The following CALCR variants were observed in gnomAD, a reference collection of about 807,000 sequenced individuals.
The protein encoded by CALCR is calcitonin receptor.
Under a neutral mutation model 59.5 loss-of-function variants are expected in CALCR, and 47 were observed. The ratio of observed to expected loss-of-function variants is 0.79; its 90% confidence interval spans 0.63 to 1.01. The LOEUF (loss-of-function observed/expected upper bound fraction) is 1.01, where lower values mean the gene tolerates loss of function less well. Among genes scored for constraint, CALCR ranks in the 50% least tolerant of loss-of-function variants. CALCR has a pLI of 0.00. For synonymous variants in CALCR, 213 were observed against 211.3 expected, an observed-to-expected ratio of 1.01 and a Z score of -0.07; for missense variants, 566 against 597.1, an observed-to-expected ratio of 0.95 and a Z score of 0.54.
intron 2 of CALCR, among the ~76,000 whole-genome samples, chr7:93,562,075 G>T (rs564465391): frequency 1.8e-4 from 27 of 151,780 alleles, no homozygotes; most frequent in Non-Finnish European, 3.1e-4. Flanking sequence ...ATTCATCCAA[G>T]AATCTTTATA....
intron 2 of CALCR, among the ~76,000 whole-genome samples, chr7:93,525,198 T>C (rs1002104678): frequency 6.6e-5 from 10 of 152,170 alleles, no homozygotes; most frequent in Non-Finnish European, 1.5e-4. Context: ...AACATTCCTA[T>C]CTTCCCTTGG....
At chr7:93,462,402 A>G (rs968428745) in intron 7 of CALCR, among the ~76,000 whole-genome samples, 1 of 152,228 alleles carries the variant, frequency 6.6e-6, no homozygotes, top group Admixed American at 6.5e-5. Context: ...CTGGTTTTAT[A>G]ATAGCACTAA....
At chr7:93,521,407 A>G (rs1584603772) in intron 2 of CALCR, among the ~76,000 whole-genome samples, 1 of 152,278 alleles carries the variant, frequency 6.6e-6, no homozygotes, top group African/African-American at 2.4e-5. Context: ...TCATTTTTAT[A>G]GATACAAAGG....
chr7:93,521,328 A>C lies in CALCR; in HGVS notation c.-26-34321T>G, dbSNP rs371726814. 5.3e-4 allele frequency among the ~76,000 whole-genome samples: 80 copies of C among 152,276 alleles called. 1 individual carries two copies. The highest frequency in any genetic ancestry group is 1.8e-3 in the African/African-American group (76 of 41,552). On this transcript the variant is annotated intron_variant, in intron 2 of 13. Coordinates refer to ENST00000426151, the MANE Select transcript of CALCR (RefSeq NM_001742.4). ...AGGAAGATATGTCTGGTATAGCAGC[A>C]GTTGGCCACCTCTTCTATGCATGAG... is the stretch of plus-strand genomic sequence containing the variant.
intron 3 of CALCR, among the ~76,000 whole-genome samples, chr7:93,481,595 T>C (rs1284056092): frequency 6.6e-6 from 1 of 151,796 alleles, no homozygotes; most frequent in African/African-American, 2.4e-5. Context: ...GTAAGTCCTA[T>C]TTTGGGTTAG....
intron 2 of CALCR, among the ~76,000 whole-genome samples, chr7:93,540,272 A>G (rs1346681763): frequency 6.6e-6 from 1 of 152,200 alleles, no homozygotes; most frequent in African/African-American, 2.4e-5. Flanking sequence ...AATGGGTAGG[A>G]TACTACTCTT....
At position 93,519,038 on chromosome 7, in the gene CALCR, GCTAA is replaced by G. The variant is rs139161681; in HGVS notation, c.-26-32035_-26-32032del. Among the ~76,000 whole-genome samples, 18 of 152,026 alleles carry G rather than the reference GCTAA, an allele frequency of 1.2e-4. No homozygotes were observed. In the East Asian group the frequency reaches 1.4e-3, roughly 11 times the overall value. ...TTATGTAATAAAAAGCTTAAGCCAT[GCTAA>G]CTGAGTAGTGAATTATGCTTATTAA... On this transcript the variant is annotated intron_variant, in intron 2 of 13. Coordinates refer to ENST00000426151, the MANE Select transcript of CALCR (RefSeq NM_001742.4).
intron 2 of CALCR, among the ~76,000 whole-genome samples, chr7:93,533,177 G>A (rs747270139): frequency 4.0e-5 from 6 of 151,708 alleles, no homozygotes; most frequent in African/African-American, 7.3e-5. Context: ...TAATGGTTTC[G>A]TTATACATCA....
At chr7:93,456,219 G>A (rs1183841389) in intron 8 of CALCR, among the ~76,000 whole-genome samples, 1 of 152,036 alleles carries the variant, frequency 6.6e-6, no homozygotes, top group East Asian at 1.9e-4. Flanking sequence ...TTTGAGGAGG[G>A]ACATGTGTTT....
chr7:93,534,400 C>T (rs1024658208), intron 2 of CALCR, among the ~76,000 whole-genome samples: 4 of 151,788 alleles, frequency 2.6e-5, no homozygotes, highest in African/African-American at 7.2e-5. Flanking sequence ...TTTCCCTGTA[C>T]ACAATGCTGC....
At chr7:93,564,771 T>G (rs1477695880) in intron 2 of CALCR, among the ~76,000 whole-genome samples, 1 of 150,870 alleles carries the variant, frequency 6.6e-6, no homozygotes, top group Non-Finnish European at 1.5e-5. Flanking sequence ...TTTTTTTTCC[T>G]GAAGGTAGCC....
intron 2 of CALCR, among the ~76,000 whole-genome samples, chr7:93,535,887 T>A (rs1249775906): frequency 1.3e-5 from 2 of 151,806 alleles, no homozygotes; most frequent in Non-Finnish European, 3.0e-5. Flanking sequence ...GCTAATGCTA[T>A]AATATGTAAA....
intron 2 of CALCR, among the ~76,000 whole-genome samples, chr7:93,544,276 A>G (rs1563014907): frequency 6.6e-6 from 1 of 152,148 alleles, no homozygotes; most frequent in African/African-American, 2.4e-5. Flanking sequence ...TAAAATCAAG[A>G]GGGATAGAGT....
chr7:93,440,138 T>C (rs1450053386), intron 9 of CALCR, among the ~76,000 whole-genome samples: 2 of 152,164 alleles, frequency 1.3e-5, no homozygotes, highest in Admixed American at 1.3e-4. Context: ...AATTAGGTGC[T>C]ATAATACAAC....
rs1365066727 is a variant in CALCR, at chr7:93,426,063, C to CT, written c.*292_*293insA. 3.8e-5 allele frequency: 11 copies of CT among 291,146 alleles called. No individual in the cohort carries two copies. The highest frequency in any genetic ancestry group is 6.3e-5 in the Non-Finnish European group (10 of 158,880). 18.0% of individuals were successfully genotyped at this position (291,146 alleles called of 1,614,324 possible). On this transcript the variant is annotated 3_prime_UTR_variant, in exon 14 of 14. Coordinates refer to ENST00000426151, the MANE Select transcript of CALCR (RefSeq NM_001742.4). Reference sequence around the variant, plus strand: ...GGAGCACCCTGTATCTGAACTAGGTCAATTTCATTGTTTTTCTTTGATACT... The same window carrying CT: ...GGAGCACCCTGTATCTGAACTAGGTCTAATTTCATTGTTTTTCTTTGATACT...
At chr7:93,572,510 A>G (rs755779606) in intron 2 of CALCR, among the ~76,000 whole-genome samples, 19 of 152,212 alleles carry the variant, frequency 1.2e-4, no homozygotes, top group Non-Finnish European at 2.1e-4. Flanking sequence ...ATACTGATTT[A>G]GATTATCATT....
chr7:93,494,711 C>T (rs1801161010), intron 2 of CALCR, among the ~76,000 whole-genome samples: 1 of 151,192 alleles, frequency 6.6e-6, no homozygotes, highest in Non-Finnish European at 1.5e-5. Flanking sequence ...TTTATGGTGA[C>T]TCCTGAGGAG....
intron 2 of CALCR, chr7:93,559,925 T>C (rs1301851798): frequency 6.6e-6 from 1 of 152,130 alleles, no homozygotes; most frequent in Non-Finnish European, 1.5e-5. Context: ...GATATGAAAC[T>C]TAATAACTGT....
chr7:93,434,661 T>C (rs961837704), intron 12 of CALCR, among the ~76,000 whole-genome samples: 2 of 152,088 alleles, frequency 1.3e-5, no homozygotes, highest in African/African-American at 4.8e-5. Flanking sequence ...GAGGGATCTT[T>C]TACAAGACAA....
Sources: allele counts gnomAD v4.1 joint callset (sites outside exome capture counted in the v4.1 genomes callset), GRCh38; gene constraint gnomAD v4.1.1; transcripts MANE v1.5; gene names NCBI Gene and HGNC (gene_info 2026-07-23, HGNC 2026-07-21).